KCNJ5: variants seen among roughly 807,000 people sequenced by gnomAD.
KCNJ5 encodes potassium inwardly rectifying channel subfamily J member 5.
In KCNJ5, 12 loss-of-function variants were observed where a neutral mutation model predicts 20.2. That is an observed-to-expected ratio of 0.59 (90% CI 0.38 to 0.96). KCNJ5 has a LOEUF of 0.96. Ranked by LOEUF, KCNJ5 falls within the 40% of genes least tolerant of loss-of-function variation. The probability of loss-of-function intolerance (pLI) is 0.00; values close to 1 mark genes in which losing one functional copy is unlikely to be tolerated. For missense variants in KCNJ5, 449 were observed against 557.6 expected (o/e 0.81, Z 1.96); for synonymous variants, 210 against 213.9 (o/e 0.98, Z 0.16).
intron 1 of KCNJ5, chr11:128,902,815 TG>T: frequency 7.3e-7 from 1 of 1,367,728 alleles, no homozygotes; most frequent in Non-Finnish European, 1.0e-6. Flanking sequence ...AACATGTCCA[TG>T]GGCAGAAAAG....
At position 128,911,122 on chromosome 11, in the gene KCNJ5, C is replaced by T. The variant is rs111542270; in HGVS notation, c.-10-142C>T. 2.3e-3 allele frequency: 1,591 copies of T among 699,138 alleles called. 5 individuals carry two copies. The highest frequency in any genetic ancestry group is 3.4e-3 in the Non-Finnish European group (1,330 of 391,860). 43.3% of individuals were successfully genotyped at this position (699,138 alleles called of 1,614,324 possible). On this transcript the variant is annotated intron_variant, in intron 1 of 2. Coordinates refer to ENST00000529694, the MANE Select transcript of KCNJ5 (RefSeq NM_000890.5). The surrounding 1 kb of genome is among the most constrained non-coding windows in gnomAD (Gnocchi z 6.3). ...AGAACCCTATAAGAGAGTGAGGCCCCTGCCCTTGAGGATTTCACGCCCTGA... is the reference window on the plus strand; with the variant it reads ...AGAACCCTATAAGAGAGTGAGGCCCTTGCCCTTGAGGATTTCACGCCCTGA...
intron 1 of KCNJ5, among the ~76,000 whole-genome samples, chr11:128,895,387 C>CCCA (rs1944159816): frequency 1.3e-5 from 2 of 150,226 alleles, no homozygotes; most frequent in African/African-American, 4.9e-5. Flanking sequence ...CCCCCACCCC[C>CCCA]CCCCCAACCC....
chr11:128,894,580 AAAAC>A (rs1944143303), intron 1 of KCNJ5, among the ~76,000 whole-genome samples: 1 of 152,262 alleles, frequency 6.6e-6, no homozygotes, highest in African/African-American at 2.4e-5. Context: ...TCTAAAGAAA[AAAAC>A]AAGAAGAATG....
At position 128,911,114 on chromosome 11, in the gene KCNJ5, T is replaced by G. The variant is rs1329595676; in HGVS notation, c.-10-150T>G. 1 of 674,276 alleles carries G rather than the reference T, an allele frequency of 1.5e-6. No homozygotes were observed. The highest frequency in any genetic ancestry group is 2.7e-6 in the Non-Finnish European group (1 of 377,136). 41.8% of individuals were successfully genotyped at this position (674,276 alleles called of 1,614,324 possible). A position where few individuals can be genotyped will look rare whatever the true frequency, so the allele number is the denominator to read the frequency against. On this transcript the variant is annotated intron_variant, in intron 1 of 2. Coordinates refer to ENST00000529694, the MANE Select transcript of KCNJ5 (RefSeq NM_000890.5). This position sits in a 1 kb window ranked among gnomAD's most constrained non-coding sequence, Gnocchi z 6.3. The stretch of plus-strand genomic sequence containing the variant: ...GATACAAAAGAACCCTATAAGAGAG[T>G]GAGGCCCCTGCCCTTGAGGATTTCA...
intron 1 of KCNJ5, among the ~76,000 whole-genome samples, chr11:128,898,022 C>T (rs1157933676): frequency 6.6e-6 from 1 of 152,176 alleles, no homozygotes; most frequent in Middle Eastern, 3.2e-3. Flanking sequence ...ATCCTTCTGC[C>T]AATACCACAT....
In KCNJ5 at chr11:128,912,037, C is replaced by G; in HGVS notation, c.764C>G (p.Thr255Arg). 1 of 1,613,842 alleles carries G rather than the reference C, an allele frequency of 6.2e-7. No homozygotes were observed. Among genetic ancestry groups the G allele is most frequent in the Non-Finnish European group, 8.5e-7 (1 of 1,179,776 alleles). Residue 255 changes from threonine (T) to arginine (R), a missense_variant, in exon 2 of 3, where the codon ACA becomes AGA. Coordinates refer to ENST00000529694, the MANE Select transcript of KCNJ5 (RefSeq NM_000890.5). Reference sequence around the variant, plus strand: ...GGGGAGTTCATCCCCCTGAACCAGACAGACATCAACGTGGGCTTTGACACG... The same window carrying G: ...GGGGAGTTCATCCCCCTGAACCAGAGAGACATCAACGTGGGCTTTGACACG... ...KEGEFIPLNQ[T>R]DINVGFDTGD...
rs1031977464 is a variant in KCNJ5 at position 128,916,854 on chromosome 11, T to C, written c.*123T>C. 9 of 768,696 alleles carry C rather than the reference T, an allele frequency of 1.2e-5. No homozygotes were observed. The highest frequency in any genetic ancestry group is 5.8e-5 in the Admixed American group (2 of 34,622). 47.6% of individuals were successfully genotyped at this position (768,696 alleles called of 1,614,324 possible). Reference sequence around the variant, plus strand: ...TTGGGGGCTCAGGAGCCATCAAGGCTGTGGGGAGGAACCATAAACCCAGCC... The same window carrying C: ...TTGGGGGCTCAGGAGCCATCAAGGCCGTGGGGAGGAACCATAAACCCAGCC... On this transcript the variant is annotated 3_prime_UTR_variant, in exon 3 of 3. Transcript: ENST00000529694.
intron 2 of KCNJ5, among the ~76,000 whole-genome samples, chr11:128,912,761 G>A (rs7103620): frequency 0.83 from 126,039 of 152,162 alleles, 52,277 homozygotes; most frequent in South Asian, 0.89. Flanking sequence ...CACCTGCCTC[G>A]GCCTCCCAAA....
intron 1 of KCNJ5, chr11:128,902,289 G>C (rs570993623): frequency 3.8e-6 from 2 of 528,620 alleles, no homozygotes; most frequent in East Asian, 3.4e-5. Flanking sequence ...CACCTGATCC[G>C]CCCTCCTGTC....
intron 1 of KCNJ5, among the ~76,000 whole-genome samples, chr11:128,892,750 G>A (rs376523635): frequency 3.9e-5 from 6 of 152,104 alleles, no homozygotes; most frequent in East Asian, 1.9e-4. Context: ...ATGGTTTATC[G>A]GGCTTTCTGG....
chr11:128,896,274 A>C (rs1944175748), intron 1 of KCNJ5, among the ~76,000 whole-genome samples: 1 of 152,200 alleles, frequency 6.6e-6, no homozygotes, highest in Non-Finnish European at 1.5e-5. Flanking sequence ...TTTCAGAAAT[A>C]ATGAACAGAG....
In KCNJ5 at chr11:128,916,141, G is replaced by A. The variant is rs960604822; in HGVS notation, c.938-268G>A. On this transcript the variant is annotated intron_variant, in intron 2 of 2. Transcript: ENST00000529694. ...GGATGGATGGATGGATGGATGGATG[G>A]ATGGATATATCTTTGCCCTTTCCTG... Among the ~76,000 whole-genome samples, 3 of 126,786 alleles carry A rather than the reference G, an allele frequency of 2.4e-5. 1 individual carries two copies. Among genetic ancestry groups the A allele is most frequent in the South Asian group, 6.6e-4 (2 of 3,022 alleles). The allele number at this position is 126,786 out of a possible 152,430, so 83.2% of individuals were successfully genotyped here.
At chr11:128,905,446 G>C (rs2135993091) in intron 1 of KCNJ5, 1 of 152,638 alleles carries the variant, frequency 6.6e-6, no homozygotes, top group South Asian at 2.1e-4. Context: ...GTGGCGCTCA[G>C]GGCTCCCGGT....
chr11:128,916,704 G>T lies in KCNJ5; in HGVS notation c.1233G>T (p.Gly411=). The part of the protein sequence containing the change: ...NEEDEPKGLG[G]SREARGSV Reference sequence around the variant, plus strand: ...AAGATGAGCCCAAGGGGCTGGGTGGGTCCAGGGAGGCCAGGGGCTCGGTGT... The same window carrying T: ...AAGATGAGCCCAAGGGGCTGGGTGGTTCCAGGGAGGCCAGGGGCTCGGTGT... The change falls in exon 3 of 3, where the codon GGG becomes GGT. Residue 411 remains glycine (G), a synonymous_variant. Transcript: ENST00000529694. 1 of 1,608,140 alleles carries T rather than the reference G, an allele frequency of 6.2e-7. No homozygotes were observed. The highest frequency in any genetic ancestry group is 8.5e-7 in the Non-Finnish European group (1 of 1,177,812).
In KCNJ5 at chr11:128,911,456, C is replaced by G; in HGVS notation, c.183C>G (p.Asn61Lys). 6.2e-7 allele frequency: 1 copy of G among 1,614,236 alleles called. No homozygotes were observed. The highest frequency in any genetic ancestry group is 8.5e-7 in the Non-Finnish European group (1 of 1,180,044). ...ACATGGAGAAGAGTGGCAAGTGCAA[C>G]GTGCACCACGGCAACGTCCAGGAGA... ...QRYMEKSGKCNVHHGNVQETY... is the reference protein window; with the variant it reads ...QRYMEKSGKCKVHHGNVQETY... Residue 61 changes from asparagine to lysine, a missense_variant, in exon 2 of 3, where the codon AAC becomes AAG. Asn to Lys is a moderately conservative substitution (Grantham distance 94, BLOSUM62 0). This residue lies in a region of KCNJ5 where 203 missense variants were observed against 258.0 expected (regional missense o/e 0.79). Coordinates refer to ENST00000529694, the MANE Select transcript of KCNJ5 (RefSeq NM_000890.5). This position sits in a 1 kb window ranked among gnomAD's most constrained non-coding sequence, Gnocchi z 6.3.
intron 1 of KCNJ5, chr11:128,902,326 A>G (rs1282947948): frequency 5.5e-5 from 33 of 600,564 alleles, no homozygotes; most frequent in Non-Finnish European, 2.9e-6. Flanking sequence ...GGAAGGACTC[A>G]GCGCTTGCAG....
chr11:128,899,517 G>T (rs995836095), intron 1 of KCNJ5: 1 of 152,126 alleles, frequency 6.6e-6, no homozygotes, highest in African/African-American at 2.4e-5. Flanking sequence ...CTGATAAATT[G>T]GCACCAGCCC....
At chr11:128,900,427 C>CA (rs1393383984) in intron 1 of KCNJ5, 2 of 152,148 alleles carry the variant, frequency 1.3e-5, no homozygotes, top group Non-Finnish European at 2.9e-5. Flanking sequence ...CTCCAGATAT[C>CA]AAAAAATAAT....
At chr11:128,909,533 G>A (rs769860852) in intron 1 of KCNJ5, among the ~76,000 whole-genome samples, 2 of 152,238 alleles carry the variant, frequency 1.3e-5, no homozygotes, top group African/African-American at 2.4e-5. Flanking sequence ...GGGTTATGGA[G>A]TTATTTGGCC....
Sources: gnomAD v4.1 joint callset for allele counts (sites outside exome capture counted in the v4.1 genomes callset) on GRCh38, gnomAD v4.1.1 for gene constraint, gnomAD v4.1.1 regional missense constraint, Gnocchi (gnomAD v3.1) non-coding constraint, MANE v1.5 for transcripts, NCBI Gene and HGNC (gene_info 2026-07-23, HGNC 2026-07-21) for gene names.